PRKAR1B: variants seen among roughly 807,000 people sequenced by gnomAD.
PRKAR1B encodes cAMP-dependent protein kinase type I-beta regulatory subunit.
A neutral mutation model predicts 46.5 loss-of-function variants in PRKAR1B; 22 were observed. The ratio of observed to expected loss-of-function variants is 0.47; its 90% CI spans 0.34 to 0.68. PRKAR1B has a LOEUF of 0.68. Among genes scored for constraint, PRKAR1B ranks in the 30% least tolerant of loss-of-function variants. The pLI, the probability that PRKAR1B is intolerant of heterozygous loss-of-function variation, is 0.01. For synonymous variants in PRKAR1B, 259 were observed against 217.7 expected (o/e 1.19, Z -1.67); for missense variants, 445 against 535.6 (o/e 0.83, Z 1.67).
At chr7:617,902 G>A (rs902549201) in intron 4 of PRKAR1B, among the ~76,000 whole-genome samples, 1 of 152,110 alleles carries the variant, frequency 6.6e-6, no homozygotes, top group South Asian at 2.1e-4. Context: ...TAGACACCCC[G>A]CCCCTGCACA....
intron 4 of PRKAR1B, among the ~76,000 whole-genome samples, chr7:642,974 G>A (rs1436918231): frequency 1.3e-5 from 2 of 151,370 alleles, no homozygotes; most frequent in Admixed American, 1.3e-4. Context: ...TTCTGTAAAG[G>A]ATGGATGGTG....
intron 4 of PRKAR1B, among the ~76,000 whole-genome samples, chr7:618,020 C>T (rs973050116): frequency 2.6e-5 from 4 of 152,126 alleles, no homozygotes; most frequent in African/African-American, 9.7e-5. Flanking sequence ...CCCCACCCTC[C>T]GCCTGGGACC....
intron 5 of PRKAR1B, among the ~76,000 whole-genome samples, chr7:607,026 C>A (rs1782125701): frequency 6.6e-6 from 1 of 152,054 alleles, no homozygotes; most frequent in Non-Finnish European, 1.5e-5. Flanking sequence ...AAATTTGAGA[C>A]AGAGTCTTAC....
chr7:553,393 T>G, intron 9 of PRKAR1B, among the ~76,000 whole-genome samples: 1 of 152,108 alleles, frequency 6.6e-6, no homozygotes. Context: ...CGGTCCCTAG[T>G]CCCCGGAGGC....
chr7:564,850 G>C (rs546170568), intron 9 of PRKAR1B, among the ~76,000 whole-genome samples: 1 of 152,304 alleles, frequency 6.6e-6, no homozygotes, highest in Admixed American at 6.5e-5. Flanking sequence ...TGTTGCAGGC[G>C]GATGCCCCCC....
intron 2 of PRKAR1B, among the ~76,000 whole-genome samples, chr7:685,377 T>C (rs866068544): frequency 0.06 from 996 of 16,488 alleles, 33 homozygotes; most frequent in South Asian, 0.077. Flanking sequence ...CATATATATA[T>C]ATACATACAT....
intron 7 of PRKAR1B, among the ~76,000 whole-genome samples, chr7:586,246 G>A (rs13243899): frequency 0.63 from 95,992 of 151,836 alleles, 31,193 homozygotes; most frequent in East Asian, 0.84. Context: ...CTGGCATGGA[G>A]GCAGCCGGCC....
chr7:657,120 G>C (rs1406951883), intron 4 of PRKAR1B, among the ~76,000 whole-genome samples: 1 of 151,850 alleles, frequency 6.6e-6, no homozygotes, highest in Non-Finnish European at 1.5e-5. Flanking sequence ...TGGATGGATG[G>C]ATGGATAGAT....
At chr7:583,601 C>G (rs1780402732) in intron 8 of PRKAR1B, among the ~76,000 whole-genome samples, 1 of 81,118 alleles carries the variant, frequency 1.2e-5, no homozygotes, top group African/African-American at 5.3e-5. Flanking sequence ...CAGGTGCACA[C>G]ACACCCCCTC....
At chr7:553,588 A>G (rs556202906) in intron 9 of PRKAR1B, among the ~76,000 whole-genome samples, 38 of 152,298 alleles carry the variant, frequency 2.5e-4, no homozygotes, top group African/African-American at 9.1e-4. Flanking sequence ...GGCCTGGCAG[A>G]CGGCGGCCCT....
intron 2 of PRKAR1B, among the ~76,000 whole-genome samples, chr7:688,469 C>T (rs910873465): frequency 3.3e-5 from 5 of 152,146 alleles, no homozygotes; most frequent in African/African-American, 7.2e-5. Flanking sequence ...CAATGGCCTC[C>T]GATCTGAGTT....
intron 9 of PRKAR1B, among the ~76,000 whole-genome samples, chr7:553,027 G>T (rs1784346772): frequency 6.6e-6 from 1 of 152,246 alleles, no homozygotes; most frequent in Non-Finnish European, 1.5e-5. Flanking sequence ...GCGGACGGCG[G>T]GGCTGGGGTA....
upstream of PRKAR1B, among the ~76,000 whole-genome samples, chr7:727,872 G>A (rs1375740921): frequency 6.6e-6 from 1 of 150,596 alleles, no homozygotes; most frequent in Non-Finnish European, 1.5e-5. Context: ...CCAGATACCT[G>A]GAAACCACCG....
At chr7:614,253 G>A (rs539614558) in intron 4 of PRKAR1B, among the ~76,000 whole-genome samples, 5 of 152,340 alleles carry the variant, frequency 3.3e-5, no homozygotes, top group East Asian at 1.9e-4. Context: ...CAGCATATAC[G>A]ACAGGATGCG....
chr7:635,147 T>C (rs1161343402), intron 4 of PRKAR1B, among the ~76,000 whole-genome samples: 1 of 152,082 alleles, frequency 6.6e-6, no homozygotes, highest in African/African-American at 2.4e-5. Flanking sequence ...TAAATAAAAT[T>C]AGGAGATTTC....
At chr7:635,066 A>G (rs1485479006) in intron 4 of PRKAR1B, among the ~76,000 whole-genome samples, 1 of 152,270 alleles carries the variant, frequency 6.6e-6, no homozygotes, top group African/African-American at 2.4e-5. Context: ...GGCAAAGGGT[A>G]CACAGGGCTT....
intron 2 of PRKAR1B, among the ~76,000 whole-genome samples, chr7:706,964 G>T (rs893430990): frequency 2.6e-5 from 4 of 152,340 alleles, no homozygotes; most frequent in Non-Finnish European, 5.9e-5. Flanking sequence ...CTGGCCTCGA[G>T]GGGGTGGCCC....
At position 626,692 on chromosome 7, in the gene PRKAR1B, GA is replaced by G. The variant is rs956969349; in HGVS notation, c.441-19241del. Among the ~76,000 whole-genome samples, 351 of 142,710 alleles carry G rather than the reference GA, an allele frequency of 2.5e-3. 3 individuals carry two copies. Among genetic ancestry groups the G allele is most frequent in the African/African-American group, 8.3e-3 (326 of 39,120 alleles). The allele number at this position is 142,710 out of a possible 152,430, so 93.6% of individuals were successfully genotyped here. A position where few individuals can be genotyped will look rare whatever the true frequency, so the allele number is the denominator to read the frequency against. On this transcript the variant is annotated intron_variant, in intron 4 of 10. Transcript: ENST00000537384. The stretch of plus-strand genomic sequence containing the variant: ...AAAACAAATTAATCTGATCTTGGAG[GA>G]AAAAAAAAAGGAAAGATAAAGTGAA...
At chr7:673,063 AAAAAAAAAAAAAAAAC>A (rs1786363039) in intron 4 of PRKAR1B, among the ~76,000 whole-genome samples, 1 of 138,418 alleles carries the variant, frequency 7.2e-6, no homozygotes. Context: ...AAAAAAAAAA[AAAAAAAAAAAAAAAAC>A]ACACACACAC....
Sources: allele counts gnomAD v4.1 joint callset (sites outside exome capture counted in the v4.1 genomes callset), GRCh38; gene constraint gnomAD v4.1.1; transcripts MANE v1.5; gene names NCBI Gene and HGNC (gene_info 2026-07-23, HGNC 2026-07-21).